The following CEP192 variants were observed in gnomAD, a reference collection of about 807,000 sequenced individuals.
The protein encoded by CEP192 is centrosomal protein of 192 kDa.
Under a neutral mutation model 271.8 loss-of-function variants are expected in CEP192, and 151 were observed. That is an observed-to-expected ratio of 0.56 (90% CI 0.49 to 0.64). The LOEUF is 0.64. Ranked by LOEUF, CEP192 falls within the 30% of genes least tolerant of loss-of-function variation. CEP192 has a pLI of 0.00. For synonymous variants in CEP192, 995 were observed against 1,076.5 expected (o/e 0.92, Z 1.48); for missense variants, 2,910 against 3,020.5 (o/e 0.96, Z 0.86).
chr18:13,095,739 C>T, intron 35 of CEP192, 58 bp downstream of exon 35: 5 of 1,434,118 alleles, frequency 3.5e-6, no homozygotes, highest in Non-Finnish European at 4.8e-6. Context: ...GCCTGCACTC[C>T]CATTGTGCCC....
At chr18:13,011,071 A>G (rs183803350) in intron 4 of CEP192, among the ~76,000 whole-genome samples, 1 of 151,822 alleles carries the variant, frequency 6.6e-6, no homozygotes, top group Non-Finnish European at 1.5e-5. Flanking sequence ...TACTAAAACT[A>G]CAAAAATTAG....
At position 13,052,961 on chromosome 18, in the gene CEP192, G is replaced by T. The variant is rs1262658637; in HGVS notation, c.3060G>T (p.Gln1020His). The T allele has an allele frequency of 5.0e-6, 8 of 1,612,664 alleles. No homozygotes were observed. In the African/African-American group the frequency reaches 1.1e-4, roughly 22 times the overall value. Residue 1020 changes from glutamine to histidine, a missense_variant, in exon 18 of 45, where the codon CAG becomes CAT. By Grantham distance (24) the Gln-to-His change is conservative. Coordinates refer to ENST00000506447, the MANE Select transcript of CEP192 (RefSeq NM_032142.4). ...TTGGTTCAGCAGCTCAGCAGCAGCA[G>T]CCTCCCTGTGAGCAGGAGTTGTCTC... ...ESFGSAAQQQQPPCEQELSPL... is the reference protein window; with the variant it reads ...ESFGSAAQQQHPPCEQELSPL...
rs1304861118 is a variant in CEP192, at chr18:13,067,858, G to C, written c.4516G>C (p.Asp1506His). 12 of 1,611,718 alleles carry C rather than the reference G, an allele frequency of 7.4e-6. No individual in the cohort carries two copies. The highest frequency in any genetic ancestry group is 3.3e-5 in the South Asian group (3 of 90,908). The change falls in exon 22 of 45, where the codon GAT (aspartate) becomes CAT (histidine). Residue 1506 changes from aspartate (D) to histidine (H), a missense_variant. Asp to His is a moderately conservative substitution (Grantham distance 81). Transcript: ENST00000506447. ...AGAAACAGAAAAGAAAGACGTTCTT[G>C]ATTTTGGTGACTTGACTTATGGAGG... ...EVETEKKDVL[D>H]FGDLTYGGWK...
At chr18:13,010,456 G>A (rs1240207119) in intron 4 of CEP192, among the ~76,000 whole-genome samples, 1 of 152,098 alleles carries the variant, frequency 6.6e-6, no homozygotes, top group Non-Finnish European at 1.5e-5. Context: ...AAAGAAAAGA[G>A]TGGTATTATC....
intron 1 of CEP192, among the ~76,000 whole-genome samples, chr18:12,996,236 C>T (rs1255288336): frequency 6.6e-6 from 1 of 151,874 alleles, no homozygotes; most frequent in South Asian, 2.1e-4. Context: ...GGGGATGCAG[C>T]AAGGTCCTGG....
intron 33 of CEP192, 47 bp from the exon 34 acceptor site, chr18:13,092,330 T>C (rs1261701095): frequency 7.8e-7 from 1 of 1,286,860 alleles, no homozygotes; most frequent in East Asian, 2.4e-5. Context: ...CTTTGTGGTA[T>C]GCTTGTGTGA....
intron 15 of CEP192, among the ~76,000 whole-genome samples, chr18:13,046,829 C>CTTTTTTTTTT (rs574030180): frequency 8.2e-6 from 1 of 122,374 alleles, no homozygotes; most frequent in Non-Finnish European, 1.7e-5. Flanking sequence ...AATATCCTTA[C>CTTTTTTTTTT]TTTTTTTTTT....
Position 13,068,894 on chromosome 18 carries a change from T to C in CEP192, c.4865T>C (p.Ile1622Thr). The change falls in exon 25 of 45, where the codon ATC (isoleucine) becomes ACC (threonine). Residue 1622 changes from isoleucine (I) to threonine (T), a missense_variant. Coordinates refer to ENST00000506447, the MANE Select transcript of CEP192 (RefSeq NM_032142.4). ...GAAGAATTCTCGGCAAAAGTTGATATCGAAGTTGACAGCCCAAACCCTACG... is the reference window on the plus strand; with the variant it reads ...GAAGAATTCTCGGCAAAAGTTGATACCGAAGTTGACAGCCCAAACCCTACG... Reference protein sequence around the residue: ...SAEEFSAKVDIEVDSPNPTPV... With the variant: ...SAEEFSAKVDTEVDSPNPTPV... The C allele has an allele frequency of 6.2e-7, 1 of 1,614,210 alleles. No homozygotes were observed.
chr18:12,999,648 T>A, intron 2 of CEP192, 60 bp downstream of exon 2: 2 of 1,219,022 alleles, frequency 1.6e-6, no homozygotes, highest in Non-Finnish European at 1.1e-6. Context: ...ATGCTGATAT[T>A]TATGTTCTGT....
intron 3 of CEP192, among the ~76,000 whole-genome samples, chr18:13,008,184 T>TA (rs1033007103): frequency 2.6e-5 from 4 of 152,330 alleles, no homozygotes; most frequent in East Asian, 1.9e-4. Context: ...ATTTTGGAAG[T>TA]AAAAAAACCA....
chr18:13,076,467 C>T (rs2038287118), intron 30 of CEP192, among the ~76,000 whole-genome samples: 1 of 152,216 alleles, frequency 6.6e-6, no homozygotes, highest in African/African-American at 2.4e-5. Flanking sequence ...CCACCAGCCT[C>T]AGCCTCCCAA....
intron 21 of CEP192, among the ~76,000 whole-genome samples, chr18:13,065,712 A>G (rs143546367): frequency 0.019 from 2,850 of 152,306 alleles, 81 homozygotes; most frequent in African/African-American, 0.064. Flanking sequence ...ACAGAGTTCT[A>G]AAAGAGCCAG....
rs978924942 is a variant in CEP192, at chr18:13,018,605, A to G, written c.915A>G (p.Leu305=). ...CTGAGGAAAGCCAAGTTATTTGTCT[A>G]CCTGGGACTAGTAAGTATAGAAATA... The part of the protein sequence containing the change: ...KESEESQVIC[L]PGTSNSIGTG... The change falls in exon 8 of 45, where the codon CTA becomes CTG. Residue 305 remains leucine (L), a synonymous_variant. Transcript: ENST00000506447. The G allele has an allele frequency of 4.6e-6, 7 of 1,527,620 alleles. No homozygotes were observed. The highest frequency in any genetic ancestry group is 2.8e-5 in the African/African-American group (2 of 72,202). 94.6% of individuals were successfully genotyped at this position (1,527,620 alleles called of 1,614,324 possible).
chr18:13,012,381 C>CT (rs1004061746), intron 4 of CEP192, among the ~76,000 whole-genome samples: 17 of 152,136 alleles, frequency 1.1e-4, no homozygotes, highest in African/African-American at 4.1e-4. Flanking sequence ...CTTTTCACTA[C>CT]TTTTTTCTGA....
In CEP192 at chr18:13,068,438, T is replaced by G; in HGVS notation, c.4822+16T>G. 2 of 1,575,108 alleles carry G rather than the reference T, an allele frequency of 1.3e-6. No individual in the cohort carries two copies. The highest frequency in any genetic ancestry group is 1.7e-6 in the Non-Finnish European group (2 of 1,150,830). ...AGCTCTTCAGGTATCATGTTTACAC[T>G]GTGTGGGAATTGCTTTAATCTGTAG... On this transcript the variant is annotated intron_variant, in intron 24 of 44. Transcript: ENST00000506447.
At chr18:13,093,227 A>G (rs749357406) in intron 34 of CEP192, among the ~76,000 whole-genome samples, 6 of 152,216 alleles carry the variant, frequency 3.9e-5, no homozygotes, top group Admixed American at 3.9e-4. Flanking sequence ...AGGACATTTA[A>G]TAGCAATACA....
intron 30 of CEP192, among the ~76,000 whole-genome samples, chr18:13,075,983 A>G (rs772564891): frequency 6.6e-6 from 1 of 152,168 alleles, no homozygotes; most frequent in African/African-American, 2.4e-5. Context: ...TGTTACCCCC[A>G]GGGGACATTG....
intron 6 of CEP192, among the ~76,000 whole-genome samples, chr18:13,015,712 A>G (rs753066561): frequency 6.6e-6 from 1 of 152,036 alleles, no homozygotes; most frequent in Non-Finnish European, 1.5e-5. Flanking sequence ...CCTTCAGTAT[A>G]TAGCATTGTG....
chr18:13,114,194 A>G lies in CEP192; in HGVS notation c.7232A>G (p.Asp2411Gly). The G allele has an allele frequency of 6.2e-7, 1 of 1,614,060 alleles. No individual in the cohort carries two copies. The highest frequency in any genetic ancestry group is 8.5e-7 in the Non-Finnish European group (1 of 1,179,986). Residue 2411 changes from aspartate (D) to glycine (G), a missense_variant, in exon 42 of 45, where the codon GAT becomes GGT. Physicochemically the swap from Asp to Gly is moderately conservative, Grantham distance 94. Coordinates refer to ENST00000506447, the MANE Select transcript of CEP192 (RefSeq NM_032142.4). ...CLSTDSLIKI[D>G]HLVKPRRQAV... ...TCCACGGATTCCCTCATTAAAATAG[A>G]TCATTTAGTTAAGCCCCGAAGACAA...
Sources: gnomAD v4.1 joint callset for allele counts (sites outside exome capture counted in the v4.1 genomes callset) on GRCh38, gnomAD v4.1.1 for gene constraint, MANE v1.5 for transcripts, NCBI Gene and HGNC (gene_info 2026-07-23, HGNC 2026-07-21) for gene names.